PTGES3: variants seen among roughly 807,000 people sequenced by gnomAD.
PTGES3 encodes prostaglandin E synthase 3.
Under a neutral mutation model 29.9 loss-of-function variants are expected in PTGES3, and 5 were observed. The ratio of observed to expected loss-of-function variants is 0.17; its 90% CI spans 0.09 to 0.35. PTGES3 has a LOEUF of 0.35. Ranked by LOEUF, PTGES3 falls within the 10% of genes least tolerant of loss-of-function variation. The pLI is 1.00. For synonymous variants in PTGES3, 49 were observed against 57.8 expected, an observed-to-expected ratio of 0.85 and a Z score of 0.69; for missense variants, 128 against 190.0, an observed-to-expected ratio of 0.67 and a Z score of 1.92.
chr12:56,683,819 C>G (rs1340253762), intron 1 of PTGES3, among the ~76,000 whole-genome samples: 1 of 150,400 alleles, frequency 6.6e-6, no homozygotes, highest in Admixed American at 6.6e-5. Flanking sequence ...ATTAGCCGGG[C>G]GAGGTGGCGG....
At chr12:56,666,106 G>C (rs191949243) in intron 6 of PTGES3, 98 bp downstream of exon 6, 1 of 1,388,164 alleles carries the variant, frequency 7.2e-7, no homozygotes, top group Non-Finnish European at 9.4e-7. Context: ...TAGAAAATAA[G>C]AAGTAATTGT....
intron 1 of PTGES3, among the ~76,000 whole-genome samples, chr12:56,685,536 G>A (rs1006469884): frequency 6.0e-5 from 9 of 151,242 alleles, no homozygotes; most frequent in African/African-American, 1.9e-4. Context: ...AAGTAGCTGG[G>A]ACCACAGGCG....
intron 1 of PTGES3, 42 bp from the exon 2 acceptor site, chr12:56,673,107 TAACTA>T (rs777009533): frequency 4.5e-6 from 6 of 1,340,560 alleles, no homozygotes; most frequent in Non-Finnish European, 6.3e-6. Flanking sequence ...TGGAATTCAT[TAACTA>T]AACATTCACA....
intron 1 of PTGES3, among the ~76,000 whole-genome samples, chr12:56,684,680 A>C (rs964874103): frequency 5.9e-5 from 9 of 152,204 alleles, no homozygotes; most frequent in African/African-American, 2.2e-4. Flanking sequence ...TAATCGGTCG[A>C]ACGACAATGA....
At chr12:56,687,382 A>C (rs888073951) in intron 1 of PTGES3, 1 of 987,428 alleles carries the variant, frequency 1.0e-6, no homozygotes, top group Admixed American at 6.1e-5. Flanking sequence ...CCGTGTTTTC[A>C]AGAGACTGGA....
At chr12:56,671,034 G>A (rs1315581849) in intron 4 of PTGES3, among the ~76,000 whole-genome samples, 3 of 152,088 alleles carry the variant, frequency 2.0e-5, no homozygotes, top group Non-Finnish European at 2.9e-5. Flanking sequence ...GATCGCTTAA[G>A]CCCAGGTGGA....
chr12:56,671,901 A>G, intron 3 of PTGES3, 54 bp from the exon 4 acceptor site: 29 of 1,084,190 alleles, frequency 2.7e-5, no homozygotes, highest in Non-Finnish European at 3.6e-5. Context: ...ACTACATGAT[A>G]GAAAATAGCT....
chr12:56,681,465 G>A (rs1481038807), intron 1 of PTGES3, among the ~76,000 whole-genome samples: 1 of 146,462 alleles, frequency 6.8e-6, no homozygotes, highest in Non-Finnish European at 1.5e-5. Flanking sequence ...GTGAACCCGG[G>A]AGGCGGAGCC....
At chr12:56,677,889 T>C (rs1952333008) in intron 1 of PTGES3, among the ~76,000 whole-genome samples, 1 of 152,198 alleles carries the variant, frequency 6.6e-6, no homozygotes, top group Non-Finnish European at 1.5e-5. Flanking sequence ...AGTTCCTCCA[T>C]GGGGCCCTGA....
At position 56,676,903 on chromosome 12, in the gene PTGES3, A is replaced by T. The variant is rs1028528062; in HGVS notation, c.3-3838T>A. Among the ~76,000 whole-genome samples the T allele has an allele frequency of 2.6e-5, 3 of 117,108 alleles. No individual in the cohort carries two copies. The South Asian group carries it at 9.5e-4, about 37-fold the overall frequency. 76.8% of individuals were successfully genotyped at this position (117,108 alleles called of 152,430 possible). ...GCCACTGCACTGCAGCCTGGGTGAGAGAGTGAGATTCCGACTCAAAAAAAA... is the reference window on the plus strand; with the variant it reads ...GCCACTGCACTGCAGCCTGGGTGAGTGAGTGAGATTCCGACTCAAAAAAAA... On this transcript the variant is annotated intron_variant, in intron 1 of 7. Coordinates refer to ENST00000262033, the MANE Select transcript of PTGES3 (RefSeq NM_006601.7).
intron 1 of PTGES3, among the ~76,000 whole-genome samples, chr12:56,686,351 A>G (rs569658778): frequency 6.8e-6 from 1 of 147,274 alleles, no homozygotes; most frequent in Admixed American, 7.1e-5. Flanking sequence ...TAGAAAAGCA[A>G]AAACTATTTT....
intron 1 of PTGES3, among the ~76,000 whole-genome samples, chr12:56,682,518 T>G (rs60638883): frequency 0.012 from 1,811 of 152,120 alleles, 40 homozygotes; most frequent in African/African-American, 0.042. Context: ...ATGACACCAC[T>G]GCACTCCAGC....
intron 1 of PTGES3, among the ~76,000 whole-genome samples, chr12:56,677,807 T>C (rs1046173293): frequency 2.0e-5 from 3 of 152,156 alleles, no homozygotes; most frequent in Non-Finnish European, 4.4e-5. Flanking sequence ...ACTAATAGTT[T>C]GCTTAGTGTC....
chr12:56,665,640 T>A (rs897227596), intron 6 of PTGES3: 39 of 984,964 alleles, frequency 4.0e-5, no homozygotes, highest in South Asian at 4.7e-5. Context: ...ACCTATAAAC[T>A]GACTCTCTTC....
chr12:56,680,308 C>T (rs1440072910), intron 1 of PTGES3, among the ~76,000 whole-genome samples: 1 of 151,848 alleles, frequency 6.6e-6, no homozygotes, highest in African/African-American at 2.4e-5. Context: ...AACTCGGCCT[C>T]AAGTGATCTG....
At chr12:56,673,180 C>T in intron 1 of PTGES3, 115 bp from the exon 2 acceptor site, 1 of 633,750 alleles carries the variant, frequency 1.6e-6, no homozygotes, top group Non-Finnish European at 2.6e-6. Flanking sequence ...CAATTTTAAA[C>T]AAAAACTACA....
chr12:56,685,901 G>A (rs1952821418), intron 1 of PTGES3, among the ~76,000 whole-genome samples: 1 of 148,878 alleles, frequency 6.7e-6, no homozygotes, highest in Non-Finnish European at 1.5e-5. Flanking sequence ...CTCAGCCTCC[G>A]GAGTAGCTGG....
rs890171610 is a variant in PTGES3 at position 56,685,814 on chromosome 12, T to C, written c.2+2184A>G. Among the ~76,000 whole-genome samples the C allele has an allele frequency of 2.2e-5, 3 of 134,432 alleles. No homozygotes were observed. The Admixed American group carries it at 2.5e-4, about 11-fold the overall frequency. The allele number at this position is 134,432 out of a possible 152,430, so 88.2% of individuals were successfully genotyped here. On this transcript the variant is annotated intron_variant, in intron 1 of 7. Coordinates refer to ENST00000262033, the MANE Select transcript of PTGES3 (RefSeq NM_006601.7). Reference sequence around the variant, plus strand: ...TTTTTTGAGACGGAGTCTCCCTCTATTGCCCAGGCTGGAGTACAACGGCGC... The same window carrying C: ...TTTTTTGAGACGGAGTCTCCCTCTACTGCCCAGGCTGGAGTACAACGGCGC...
chr12:56,670,668 CTT>C (rs1565863201), intron 4 of PTGES3: 1 of 241,552 alleles, frequency 4.1e-6, no homozygotes, highest in Non-Finnish European at 8.2e-6. Context: ...GCAACCCAGA[CTT>C]GGGCGCAAGT....
Sources: gnomAD v4.1 joint callset for allele counts (sites outside exome capture counted in the v4.1 genomes callset) on GRCh38, gnomAD v4.1.1 for gene constraint, MANE v1.5 for transcripts, NCBI Gene and HGNC (gene_info 2026-07-23, HGNC 2026-07-21) for gene names.